Variants in MAGI1 observed in about 807,000 individuals in gnomAD.
The protein encoded by MAGI1 is membrane associated guanylate kinase, WW and PDZ domain containing 1.
A neutral mutation model predicts 139.9 loss-of-function variants in MAGI1; 58 were observed. The observed-to-expected ratio is 0.41, with a 90% CI of 0.34 to 0.52. The LOEUF is 0.52. Among genes scored for constraint, MAGI1 ranks in the 20% least tolerant of loss-of-function variants. MAGI1 has a pLI of 0.12. For missense variants in MAGI1, 1,874 were observed against 1,901.6 expected (o/e 0.99, Z 0.27); for synonymous variants, 812 against 737.9 (o/e 1.10, Z -1.63).
chr3:65,915,432 C>T (rs1037290318), intron 1 of MAGI1, among the ~76,000 whole-genome samples: 9 of 152,198 alleles, frequency 5.9e-5, no homozygotes, highest in African/African-American at 2.2e-4. Flanking sequence ...CTCTTCTCAC[C>T]TTGTCTTCCA....
chr3:65,491,240 C>T (rs543919672), intron 3 of MAGI1, among the ~76,000 whole-genome samples: 1 of 152,202 alleles, frequency 6.6e-6, no homozygotes, highest in South Asian at 2.1e-4. Context: ...CTGTGCAACT[C>T]TGAAATAGTT....
At chr3:65,487,115 G>A (rs561958549) in intron 3 of MAGI1, among the ~76,000 whole-genome samples, 88 of 152,244 alleles carry the variant, frequency 5.8e-4, no homozygotes, top group African/African-American at 1.9e-3. Flanking sequence ...AGGGTGTTCC[G>A]CGTTTTTATT....
intron 1 of MAGI1, among the ~76,000 whole-genome samples, chr3:65,957,454 G>C (rs1299321812): frequency 6.7e-6 from 1 of 149,748 alleles, no homozygotes; most frequent in Admixed American, 6.8e-5. Flanking sequence ...CTGGGAGGTG[G>C]AGGCTGCAAT....
intron 1 of MAGI1, among the ~76,000 whole-genome samples, chr3:65,763,511 A>G (rs1290700296): frequency 6.6e-6 from 1 of 152,204 alleles, no homozygotes; most frequent in Non-Finnish European, 1.5e-5. Context: ...CACATCACTT[A>G]TCAAGCACTT....
chr3:65,675,001 C>T (rs1414854142), intron 1 of MAGI1, among the ~76,000 whole-genome samples: 1 of 152,064 alleles, frequency 6.6e-6, no homozygotes, highest in Non-Finnish European at 1.5e-5. Flanking sequence ...TCCAGAGCTG[C>T]ACTTTCCAAG....
intron 1 of MAGI1, among the ~76,000 whole-genome samples, chr3:65,722,277 A>C (rs1298113168): frequency 6.6e-6 from 1 of 152,180 alleles, no homozygotes; most frequent in Non-Finnish European, 1.5e-5. Flanking sequence ...TTAAGAATTA[A>C]ATGACCTAGT....
chr3:65,400,750 A>ATTTTTTTTTT (rs767598706), intron 13 of MAGI1, among the ~76,000 whole-genome samples: 16 of 60,596 alleles, frequency 2.6e-4, no homozygotes, highest in East Asian at 4.4e-4. Context: ...CAAAACATTG[A>ATTTTTTTTTT]TTTTTTTTTT....
intron 2 of MAGI1, among the ~76,000 whole-genome samples, chr3:65,524,111 A>G (rs950352537): frequency 6.6e-6 from 1 of 152,236 alleles, no homozygotes; most frequent in Non-Finnish European, 1.5e-5. Context: ...AAAGGTAGGA[A>G]GGAAGAATGA....
At chr3:65,606,662 C>T (rs1366178546) in intron 2 of MAGI1, among the ~76,000 whole-genome samples, 2 of 152,112 alleles carry the variant, frequency 1.3e-5, no homozygotes, top group African/African-American at 4.8e-5. Context: ...GAATTACAGG[C>T]ACCCACAACC....
intron 1 of MAGI1, among the ~76,000 whole-genome samples, chr3:65,911,049 G>C (rs2061646336): frequency 6.6e-6 from 1 of 150,978 alleles, no homozygotes; most frequent in Non-Finnish European, 1.5e-5. Context: ...ATAGAGACGG[G>C]GTTTCACCAT....
chr3:65,757,899 A>C (rs1465646488), intron 1 of MAGI1, among the ~76,000 whole-genome samples: 2 of 147,848 alleles, frequency 1.4e-5, no homozygotes, highest in African/African-American at 4.8e-5. Flanking sequence ...TGTATCACCC[A>C]ATTTCCCTTA....
At chr3:65,448,138 C>T (rs1443529475) in intron 6 of MAGI1, 81 bp from the exon 7 acceptor site, 6 of 1,258,050 alleles carry the variant, frequency 4.8e-6, no homozygotes, top group Admixed American at 3.4e-5. Flanking sequence ...AGGAAATCTC[C>T]TCAGGAAAAC....
intron 4 of MAGI1, among the ~76,000 whole-genome samples, chr3:65,471,105 G>A (rs1484857921): frequency 5.9e-5 from 9 of 152,126 alleles, no homozygotes; most frequent in Admixed American, 5.9e-4. Context: ...AAAAAGTTAT[G>A]TTCCTGTGAA....
intron 1 of MAGI1, among the ~76,000 whole-genome samples, chr3:65,915,818 T>C (rs1453172365): frequency 6.6e-6 from 1 of 152,058 alleles, no homozygotes; most frequent in African/African-American, 2.4e-5. Flanking sequence ...AGCAGTTCAT[T>C]TGTGCTTCCT....
intron 1 of MAGI1, among the ~76,000 whole-genome samples, chr3:65,677,954 CA>C (rs2087305308): frequency 1.3e-5 from 2 of 152,164 alleles, no homozygotes; most frequent in South Asian, 4.1e-4. Flanking sequence ...TGGATAAAGA[CA>C]ATGTGGCACA....
At chr3:65,754,128 T>C (rs1296729426) in intron 1 of MAGI1, among the ~76,000 whole-genome samples, 1 of 152,210 alleles carries the variant, frequency 6.6e-6, no homozygotes, top group Middle Eastern at 3.2e-3. Flanking sequence ...ACATGATAGA[T>C]ATTGCTAAAA....
rs1251946502 is a variant in MAGI1, at chr3:65,918,932, C to CA, written c.313+119063dup. 3.7e-3 allele frequency among the ~76,000 whole-genome samples: 525 copies of CA among 143,832 alleles called. 5 individuals carry two copies. The highest frequency in any genetic ancestry group is 0.011 in the African/African-American group (435 of 39,170). 94.4% of individuals were successfully genotyped at this position (143,832 alleles called of 152,430 possible). ...AAGGAAGGATAATAATCCTCATTTT[C>CA]AAAAAAAAAACAAACAAACAAAACA... On this transcript the variant is annotated intron_variant, in intron 1 of 22. Coordinates refer to ENST00000402939, the MANE Select transcript of MAGI1 (RefSeq NM_001033057.2).
intron 10 of MAGI1, among the ~76,000 whole-genome samples, chr3:65,436,486 A>G (rs1463538532): frequency 6.6e-6 from 1 of 152,200 alleles, no homozygotes; most frequent in Non-Finnish European, 1.5e-5. Flanking sequence ...GAATGTAAAC[A>G]AACAAGACCT....
At chr3:65,899,070 C>T (rs918918155) in intron 1 of MAGI1, among the ~76,000 whole-genome samples, 4 of 152,060 alleles carry the variant, frequency 2.6e-5, no homozygotes, top group African/African-American at 9.7e-5. Context: ...TACAGGCACA[C>T]ACCACCACCA....
Sources: gnomAD v4.1 joint callset for allele counts (sites outside exome capture counted in the v4.1 genomes callset) on GRCh38, gnomAD v4.1.1 for gene constraint, MANE v1.5 for transcripts, NCBI Gene and HGNC (gene_info 2026-07-23, HGNC 2026-07-21) for gene names.